C3: variants seen among roughly 807,000 people sequenced by gnomAD.
The protein encoded by C3 is complement C3.
Under a neutral mutation model 207.9 loss-of-function variants are expected in C3, and 97 were observed. The ratio of observed to expected loss-of-function variants is 0.47; its 90% CI spans 0.40 to 0.55. The LOEUF (loss-of-function observed/expected upper bound fraction) is 0.55. Among genes scored for constraint, C3 ranks in the 20% least tolerant of loss-of-function variants. The pLI is 0.00. For synonymous variants in C3, 848 were observed against 857.6 expected (o/e 0.99, Z 0.20); for missense variants, 1,684 against 2,171.7 (o/e 0.78, Z 4.46).
At chr19:6,688,193 C>T (rs978875751) in intron 27 of C3, among the ~76,000 whole-genome samples, 5 of 152,010 alleles carry the variant, frequency 3.3e-5, no homozygotes, top group Admixed American at 2.6e-4. Context: ...GTGCATGGCG[C>T]AATCTCGGCT....
In C3 at chr19:6,707,288, G is replaced by A. The variant is rs1224194648; in HGVS notation, c.2048-15C>T. 1.3e-6 allele frequency: 2 copies of A among 1,592,298 alleles called. No individual in the cohort carries two copies. Among genetic ancestry groups the A allele is most frequent in the East Asian group, 2.3e-5 (1 of 44,294 alleles). On this transcript the variant is annotated splice_polypyrimidine_tract_variant and intron_variant, in intron 16 of 40. Coordinates refer to ENST00000245907, the MANE Select transcript of C3 (RefSeq NM_000064.4). ...GTACTTGCCGACTGCGGGAGCACGT[G>A]TTCCCCCAGGCCACACCCTCAGCCG...
chr19:6,698,306 G>T (rs1007374714), intron 19 of C3, among the ~76,000 whole-genome samples: 1 of 152,026 alleles, frequency 6.6e-6, no homozygotes, highest in Non-Finnish European at 1.5e-5. Context: ...GAGCCACTGC[G>T]CCTGGCCGGA....
chr19:6,693,542 C>T lies in C3; in HGVS notation c.3155-55G>A, dbSNP rs938499051. 5.5e-5 allele frequency: 84 copies of T among 1,528,198 alleles called. No individual in the cohort carries two copies. In the Middle Eastern group the frequency reaches 2.4e-3, roughly 44 times the overall value. The allele number at this position is 1,528,198 out of a possible 1,614,324, so 94.7% of individuals were successfully genotyped here. On this transcript the variant is annotated intron_variant, in intron 24 of 40. Transcript: ENST00000245907. ...GAGCCGGGGCTGAGCAGAGGGGGCA[C>T]GCCAGAAAGGGCAGGGGCGGGGTGC...
At chr19:6,697,989 TTTA>T (rs146892701) in intron 19 of C3, among the ~76,000 whole-genome samples, 195 bp from the exon 20 acceptor site, 5,390 of 61,078 alleles carry the variant, frequency 0.088, 132 homozygotes, top group Middle Eastern at 0.18. Flanking sequence ...GTTACCATTA[TTTA>T]TTATTATTAT....
intron 19 of C3, among the ~76,000 whole-genome samples, chr19:6,701,467 G>A (rs1967670733): frequency 6.6e-6 from 1 of 152,178 alleles, no homozygotes; most frequent in Non-Finnish European, 1.5e-5. Flanking sequence ...AGTATCTGCT[G>A]CTGGCTCGTT....
Position 6,707,134 on chromosome 19 carries a change from G to A in C3, c.2187C>T (p.Asn729=), listed in dbSNP as rs746409981. Residue 729 remains asparagine (N), a synonymous_variant, in exon 17 of 41, where the codon AAC becomes AAT. Coordinates refer to ENST00000245907, the MANE Select transcript of C3 (RefSeq NM_000064.4). ...GCTGCCGCCGCAGCTCTGTGATGTA[G>A]TTGCAGCAGTCCAGGAAGACCTTCT... ...ACKKVFLDCC[N]YITELRRQHA... is the part of the protein sequence containing the mutation. The A allele has an allele frequency of 6.2e-6, 10 of 1,613,710 alleles. No individual in the cohort carries two copies. The highest frequency in any genetic ancestry group is 2.2e-5 in the South Asian group (2 of 91,078).
Position 6,677,987 on chromosome 19 carries a change from C to A in C3, c.4887G>T (p.Glu1629Asp). The A allele has an allele frequency of 6.2e-7, 1 of 1,614,154 alleles. No homozygotes were observed. ...SYIIGKDTWV[E>D]HWPEEDECQD... Reference sequence around the variant, plus strand: ...GGCATTCGTCCTCCTCGGGCCAGTGCTCCACCCAAGTGTCCTTCCCGATGA... The same window carrying A: ...GGCATTCGTCCTCCTCGGGCCAGTGATCCACCCAAGTGTCCTTCCCGATGA... Residue 1629 changes from glutamate (E) to aspartate (D), a missense_variant, in exon 41 of 41, where the codon GAG becomes GAT. Around this residue, in one of 3 missense-constraint regions of C3, gnomAD observed 346 missense variants for 380.1 expected, o/e 0.91. Coordinates refer to ENST00000245907, the MANE Select transcript of C3 (RefSeq NM_000064.4).
chr19:6,689,175 C>T (rs191033730), intron 27 of C3, among the ~76,000 whole-genome samples: 6 of 152,148 alleles, frequency 3.9e-5, no homozygotes, highest in Admixed American at 3.9e-4. Context: ...AACTCAGAGG[C>T]CTAAAAATAC....
chr19:6,678,208 C>T lies in C3; in HGVS notation c.4794G>A (p.Glu1598=), dbSNP rs768057515. The change falls in exon 40 of 41, where the codon GAG becomes GAA. Residue 1598 remains glutamate (E), a synonymous_variant. Transcript: ENST00000245907. The part of the protein sequence containing the change: ...IKCREALKLE[E]KKHYLMWGLS... Reference sequence around the variant, plus strand: ...GACCCCACATGAGGTAGTGTTTCTTCTCCTCCAGCTTCAGGGCTTCTCTGC... The same window carrying T: ...GACCCCACATGAGGTAGTGTTTCTTTTCCTCCAGCTTCAGGGCTTCTCTGC... The T allele has an allele frequency of 6.2e-7, 1 of 1,614,072 alleles. No homozygotes were observed. The highest frequency in any genetic ancestry group is 1.3e-5 in the African/African-American group (1 of 74,938).
chr19:6,707,089 C>T lies in C3; in HGVS notation c.2232G>A (p.Leu744=), dbSNP rs761008896. 29 of 1,612,014 alleles carry T rather than the reference C, an allele frequency of 1.8e-5. No homozygotes were observed. Among genetic ancestry groups the T allele is most frequent in the Non-Finnish European group, 2.0e-5 (24 of 1,179,730 alleles). Residue 744 remains leucine (L), a synonymous_variant, in exon 17 of 41, where the codon CTG becomes CTA. Transcript: ENST00000245907. ...LRRQHARASH[L]GLARSNLDED... is the part of the protein sequence containing the mutation. ...CGTGGGACCTACTCCTGGCCAGGCC[C>T]AGGTGGCTGGCCCGCGCGTGCTGCC...
chr19:6,700,703 G>A (rs1967655531), intron 19 of C3, among the ~76,000 whole-genome samples: 1 of 134,318 alleles, frequency 7.4e-6, no homozygotes, highest in African/African-American at 2.8e-5. Context: ...TATTATATAT[G>A]TAATATGTGG....
intron 33 of C3, chr19:6,682,522 C>G (rs1599498579): frequency 2.5e-6 from 1 of 400,514 alleles, no homozygotes. Context: ...TTCTAGAAAA[C>G]AAGGCAAGAA....
rs777904423 is a variant in C3, at chr19:6,690,717, C to T, written c.3401G>A (p.Arg1134Gln). 2.9e-5 allele frequency: 46 copies of T among 1,613,840 alleles called. No individual in the cohort carries two copies. The East Asian group carries it at 4.0e-4, about 14-fold the overall frequency. Residue 1134 changes from arginine (R) to glutamine (Q), a missense_variant, in exon 27 of 41, where the codon CGG (arginine) becomes CAG (glutamine). Coordinates refer to ENST00000245907, the MANE Select transcript of C3 (RefSeq NM_000064.4). ...VIHQEMIGGL[R>Q]NNNEKDMALT... ...GGCCATGTCTTTCTCGTTGTTGTTC[C>T]GTAATCCACCCTGAGATAGAGAGCA...
intron 27 of C3, among the ~76,000 whole-genome samples, chr19:6,689,287 A>ACCCCACAGTCCCCCCCCCCCC (rs747719619): frequency 9.8e-6 from 1 of 101,628 alleles, no homozygotes; most frequent in Non-Finnish European, 2.0e-5. Flanking sequence ...GATTTGTCTG[A>ACCCCACAGTCCCCCCCCCCCC]CCCCACCTCT....
chr19:6,711,321 G>C, intron 11 of C3, 125 bp from the exon 12 acceptor site: 1 of 737,098 alleles, frequency 1.4e-6, no homozygotes, highest in Non-Finnish European at 2.4e-6. Flanking sequence ...TTAAGTTAGG[G>C]ATCTGGAGAT....
At chr19:6,689,067 G>A (rs548739381) in intron 27 of C3, among the ~76,000 whole-genome samples, 1 of 152,322 alleles carries the variant, frequency 6.6e-6, no homozygotes, top group East Asian at 1.9e-4. Context: ...CAGAGTCCCT[G>A]AGGCCACCTT....
rs432823 is a variant in C3 at position 6,702,235 on chromosome 19, T to C, written c.2355-23A>G. 936,580 of 1,464,216 alleles carry C rather than the reference T, an allele frequency of 0.64. 302,986 individuals carry two copies. Among genetic ancestry groups the C allele is most frequent in the East Asian group, 0.86 (38,085 of 44,138 alleles). The allele number at this position is 1,464,216 out of a possible 1,614,324, so 90.7% of individuals were successfully genotyped here. A position where few individuals can be genotyped will look rare whatever the true frequency, so the allele number is the denominator to read the frequency against. ...ATTCTGGATGGAGAAGAGGTTGGGG[T>C]ATTAGGAGATGTCATCTAGCAGGGT... On this transcript the variant is annotated intron_variant, in intron 18 of 40. Transcript: ENST00000245907.
chr19:6,700,673 GTAATATA>G (rs1402842276), intron 19 of C3, among the ~76,000 whole-genome samples: 1 of 32,178 alleles, frequency 3.1e-5, no homozygotes, highest in Non-Finnish European at 5.3e-5. Context: ...TATTATATAT[GTAATATA>G]TAATATATGA....
chr19:6,682,177 T>A lies in C3; in HGVS notation c.4225A>T (p.Thr1409Ser). Residue 1409 changes from threonine to serine, a missense_variant, in exon 34 of 41, where the codon ACT (threonine) becomes TCT (serine). Thr to Ser is a moderately conservative substitution (Grantham distance 58, BLOSUM62 1). Coordinates refer to ENST00000245907, the MANE Select transcript of C3 (RefSeq NM_000064.4). ...TMSILDISMM[T>S]GFAPDTDDLK... is the part of the protein sequence containing the mutation. ...TCATCTGTGTCTGGAGCAAAGCCAG[T>A]CATCATGGATATGTCCAATATAGAC... is the stretch of plus-strand genomic sequence containing the variant. 1 of 1,614,070 alleles carries A rather than the reference T, an allele frequency of 6.2e-7. No homozygotes were observed. The highest frequency in any genetic ancestry group is 8.5e-7 in the Non-Finnish European group (1 of 1,179,958).
Sources: allele counts gnomAD v4.1 joint callset (sites outside exome capture counted in the v4.1 genomes callset), GRCh38; gene constraint gnomAD v4.1.1; regional missense constraint gnomAD v4.1.1; transcripts MANE v1.5; gene names NCBI Gene and HGNC (gene_info 2026-07-23, HGNC 2026-07-21).